The following TRIO variants were observed in gnomAD, a reference collection of about 807,000 sequenced individuals.
TRIO encodes trio Rho guanine nucleotide exchange factor.
In TRIO, 58 loss-of-function variants were observed where a neutral mutation model predicts 351.9. That is an observed-to-expected ratio of 0.16 (90% CI 0.13 to 0.21). The LOEUF (loss-of-function observed/expected upper bound fraction) is 0.21. TRIO is among the 10% of genes least tolerant of loss of function. The pLI is 1.00. For missense variants in TRIO, 3,201 were observed against 4,027.8 expected (o/e 0.79, Z 5.56); for synonymous variants, 1,758 against 1,595.7 (o/e 1.10, Z -2.42).
intron 11 of TRIO, among the ~76,000 whole-genome samples, chr5:14,350,901 G>A (rs1743023466): frequency 6.6e-6 from 1 of 152,124 alleles, no homozygotes; most frequent in South Asian, 2.1e-4. Context: ...GGGTGAAACT[G>A]ATCTGCCTCA....
In TRIO at chr5:14,348,657, C is replaced by T. The variant is rs1459345566; in HGVS notation, c.2047-9521C>T. Among the ~76,000 whole-genome samples, 6 of 144,708 alleles carry T rather than the reference C, an allele frequency of 4.1e-5. No homozygotes were observed. The East Asian group carries it at 9.7e-4, about 23-fold the overall frequency. 94.9% of individuals were successfully genotyped at this position (144,708 alleles called of 152,430 possible). ...AAACATGCATGTGAACCTGTTTTTC[C>T]TGTGTGTATATGTGTGTGTACGCAC... On this transcript the variant is annotated intron_variant, in intron 11 of 56. Coordinates refer to ENST00000344204, the MANE Select transcript of TRIO (RefSeq NM_007118.4).
At chr5:14,395,496 T>C (rs950477122) in intron 28 of TRIO, among the ~76,000 whole-genome samples, 6 of 152,242 alleles carry the variant, frequency 3.9e-5, no homozygotes, top group Admixed American at 3.9e-4. Context: ...TGATAAGCTC[T>C]CTTGAGCTCC....
chr5:14,330,750 T>C (rs1740834567), intron 9 of TRIO, 28 bp from the exon 10 acceptor site: 1 of 1,610,108 alleles, frequency 6.2e-7, no homozygotes, highest in Admixed American at 1.7e-5. Flanking sequence ...ATTGTTTTTA[T>C]GGCATATGTA....
chr5:14,292,054 A>G (rs764826751), intron 5 of TRIO, among the ~76,000 whole-genome samples: 6 of 152,234 alleles, frequency 3.9e-5, no homozygotes, highest in Non-Finnish European at 8.8e-5. Context: ...GCACTTACCC[A>G]TAGGTATGTG....
chr5:14,404,390 A>T (rs1319194508), intron 31 of TRIO, among the ~76,000 whole-genome samples: 2 of 152,052 alleles, frequency 1.3e-5, no homozygotes, highest in Non-Finnish European at 2.9e-5. Context: ...AAAAACTGAC[A>T]TCTTTTTTCC....
At chr5:14,325,633 C>T (rs968407924) in intron 9 of TRIO, among the ~76,000 whole-genome samples, 4 of 152,026 alleles carry the variant, frequency 2.6e-5, no homozygotes, top group Admixed American at 6.6e-5. Flanking sequence ...TGGGACTTGG[C>T]GGGGCCAAAC....
chr5:14,176,368 G>A (rs895577076), intron 1 of TRIO, among the ~76,000 whole-genome samples: 8 of 152,140 alleles, frequency 5.3e-5, no homozygotes, highest in African/African-American at 1.9e-4. Context: ...TACTCAGGAG[G>A]CCGAGGCAGG....
At chr5:14,407,326 G>T (rs770576231) in intron 33 of TRIO, among the ~76,000 whole-genome samples, 21 of 152,206 alleles carry the variant, frequency 1.4e-4, no homozygotes, top group Non-Finnish European at 2.5e-4. Context: ...TCCACATGAG[G>T]TGCGAGTGTC....
chr5:14,313,703 G>C (rs1739126837), intron 8 of TRIO, among the ~76,000 whole-genome samples: 1 of 152,174 alleles, frequency 6.6e-6, no homozygotes, highest in Admixed American at 6.5e-5. Context: ...GTAGGCTGCT[G>C]TTCTTAAGAT....
At position 14,497,319 on chromosome 5, in the gene TRIO, G is replaced by A. The variant is rs1023102134; in HGVS notation, c.8019+302G>A. 3.3e-5 allele frequency among the ~76,000 whole-genome samples: 5 copies of A among 152,196 alleles called. No homozygotes were observed. The highest frequency in any genetic ancestry group is 6.5e-5 in the Admixed American group (1 of 15,286). On this transcript the variant is annotated intron_variant, in intron 50 of 56. Transcript: ENST00000344204. The surrounding 1 kb of genome is among the most constrained non-coding windows in gnomAD (Gnocchi z 4.4). The stretch of plus-strand genomic sequence containing the variant: ...CAGAGACTAGGTTCTCAGAAGCAGC[G>A]AAGGTGCAGAGAAGCTATGGCTCAG...
At chr5:14,414,023 A>G (rs557889917) in intron 33 of TRIO, among the ~76,000 whole-genome samples, 1 of 152,370 alleles carries the variant, frequency 6.6e-6, no homozygotes, top group Admixed American at 6.5e-5. Context: ...AGCTTCCTCA[A>G]TAAAAGATTG....
At chr5:14,363,113 C>T (rs1301526408) in intron 13 of TRIO, among the ~76,000 whole-genome samples, 1 of 151,886 alleles carries the variant, frequency 6.6e-6, no homozygotes, top group African/African-American at 2.4e-5. Flanking sequence ...ATCCTCCTAC[C>T]TCAGCCTCCC....
In TRIO at chr5:14,509,202, T is replaced by G; in HGVS notation, c.*780T>G. ...AGCCGTCAATCAGATTGTGGAGCAG[T>G]ACACAGTCAGATGAAAATACTGTAA... On this transcript the variant is annotated 3_prime_UTR_variant, in exon 57 of 57. Coordinates refer to ENST00000344204, the MANE Select transcript of TRIO (RefSeq NM_007118.4). 3.0e-6 allele frequency: 1 copy of G among 335,038 alleles called. No individual in the cohort carries two copies. The highest frequency in any genetic ancestry group is 5.7e-6 in the Non-Finnish European group (1 of 174,052). 20.8% of individuals were successfully genotyped at this position (335,038 alleles called of 1,614,324 possible).
At chr5:14,320,518 A>G (rs1739785861) in intron 9 of TRIO, among the ~76,000 whole-genome samples, 1 of 152,012 alleles carries the variant, frequency 6.6e-6, no homozygotes, top group East Asian at 1.9e-4. Flanking sequence ...ACAGCCCTTC[A>G]TGTGTGAGCG....
At chr5:14,429,278 G>A (rs537916737) in intron 34 of TRIO, among the ~76,000 whole-genome samples, 20 of 152,306 alleles carry the variant, frequency 1.3e-4, no homozygotes, top group East Asian at 9.6e-4. Context: ...GCAGCCAGGC[G>A]CTGATGAGAA....
intron 34 of TRIO, among the ~76,000 whole-genome samples, chr5:14,444,899 A>G (rs1752324954): frequency 6.6e-6 from 1 of 152,214 alleles, no homozygotes; most frequent in African/African-American, 2.4e-5. Context: ...AAAGTGCCCA[A>G]GAAACCCACA....
At chr5:14,173,502 G>A (rs547404119) in intron 1 of TRIO, among the ~76,000 whole-genome samples, 38 of 152,168 alleles carry the variant, frequency 2.5e-4, no homozygotes, top group African/African-American at 8.7e-4. Context: ...GTGAGTCACC[G>A]CGCCTGGCCT....
At chr5:14,151,317 G>T (rs893801110) in intron 1 of TRIO, among the ~76,000 whole-genome samples, 1 of 151,862 alleles carries the variant, frequency 6.6e-6, no homozygotes, top group Non-Finnish European at 1.5e-5. Flanking sequence ...AAATTTACAC[G>T]TATAATCCTA....
intron 19 of TRIO, 45 bp downstream of exon 19, chr5:14,374,388 G>C (rs1745381483): frequency 6.7e-7 from 1 of 1,497,428 alleles, no homozygotes; most frequent in Non-Finnish European, 9.2e-7. Flanking sequence ...GTGCATGCCT[G>C]GCAAGAGACA....
Sources: gnomAD v4.1 joint callset for allele counts (sites outside exome capture counted in the v4.1 genomes callset) on GRCh38, gnomAD v4.1.1 for gene constraint, Gnocchi (gnomAD v3.1) non-coding constraint, MANE v1.5 for transcripts, NCBI Gene and HGNC (gene_info 2026-07-23, HGNC 2026-07-21) for gene names.